TMEM254: variants seen among roughly 807,000 people sequenced by gnomAD.
The protein encoded by TMEM254 is transmembrane protein 254.
Under a neutral mutation model 13.9 loss-of-function variants are expected in TMEM254, and 16 were observed. The ratio of observed to expected loss-of-function variants is 1.15; its 90% confidence interval spans 0.78 to 1.75. The LOEUF (loss-of-function observed/expected upper bound fraction) is 1.75, where lower values mean the gene tolerates loss of function less well. Ranked by LOEUF, TMEM254 falls within the 40% of genes most tolerant of loss-of-function variation. TMEM254 has a pLI of 0.00. For synonymous variants in TMEM254, 61 were observed against 56.4 expected, an observed-to-expected ratio of 1.08 and a Z score of -0.36; for missense variants, 155 against 149.0, an observed-to-expected ratio of 1.04 and a Z score of -0.21.
At chr10:80,090,004 CAA>C (rs376006872) in intron 3 of TMEM254, among the ~76,000 whole-genome samples, 46 of 85,178 alleles carry the variant, frequency 5.4e-4, no homozygotes, top group South Asian at 2.7e-3. Flanking sequence ...GACTCCATCT[CAA>C]AAAAAAAAAA....
At chr10:80,088,164 T>G (rs1428180158) in intron 3 of TMEM254, among the ~76,000 whole-genome samples, 1 of 152,166 alleles carries the variant, frequency 6.6e-6, no homozygotes, top group East Asian at 1.9e-4. Context: ...TACTGATATG[T>G]GTGGATCTAT....
chr10:80,078,678 C>A lies in TMEM254; in HGVS notation c.-22C>A. 1 of 1,580,880 alleles carries A rather than the reference C, an allele frequency of 6.3e-7. No individual in the cohort carries two copies. Among genetic ancestry groups the A allele is most frequent in the Non-Finnish European group, 8.6e-7 (1 of 1,166,628 alleles). ...GCGCTCGACGGTGTCCTGAAGCGCG[C>A]TCCCGGGGAGGTGTTGCAGCCATGG... On this transcript the variant is annotated 5_prime_UTR_variant, in exon 1 of 4. Coordinates refer to ENST00000372281, the MANE Select transcript of TMEM254 (RefSeq NM_025125.4).
intron 1 of TMEM254, chr10:80,081,552 C>T: frequency 1.3e-6 from 1 of 772,754 alleles, no homozygotes; most frequent in Non-Finnish European, 2.1e-6. Flanking sequence ...CGTGTAGTCC[C>T]ATCTACTTGG....
chr10:80,078,969 A>T, intron 1 of TMEM254, 183 bp downstream of exon 1: 1 of 1,537,052 alleles, frequency 6.5e-7, no homozygotes. Flanking sequence ...CTGGTCCGCC[A>T]GGGTCTTGGG....
chr10:80,090,520 T>C lies in TMEM254; in HGVS notation c.252-277T>C. The C allele has an allele frequency of 1.1e-5, 8 of 703,634 alleles. No homozygotes were observed. The South Asian group carries it at 1.2e-4, about 11-fold the overall frequency. The allele number at this position is 703,634 out of a possible 1,614,324, so 43.6% of individuals were successfully genotyped here. The stretch of plus-strand genomic sequence containing the variant: ...CAGTGCTTTTTACTCCATCCGCTCA[T>C]CAGAATCACATGAGAAACAGTCTTA... On this transcript the variant is annotated intron_variant, in intron 3 of 3. Transcript: ENST00000372281.
At chr10:80,089,520 A>G (rs1589389598) in intron 3 of TMEM254, among the ~76,000 whole-genome samples, 1 of 152,078 alleles carries the variant, frequency 6.6e-6, no homozygotes, top group African/African-American at 2.4e-5. Flanking sequence ...AAAACAAACA[A>G]AAAACCTAGC....
chr10:80,091,287 T>C lies in TMEM254; in HGVS notation c.*370T>C, dbSNP rs1844566825. 1 of 160,382 alleles carries C rather than the reference T, an allele frequency of 6.2e-6. No homozygotes were observed. The highest frequency in any genetic ancestry group is 2.4e-5 in the African/African-American group (1 of 41,670). 9.9% of individuals were successfully genotyped at this position (160,382 alleles called of 1,614,324 possible). ...GCTCCCGCCTTCTGATGAAAACACCTTACCCTCACAACCACCATCTTTCCT... is the reference window on the plus strand; with the variant it reads ...GCTCCCGCCTTCTGATGAAAACACCCTACCCTCACAACCACCATCTTTCCT... On this transcript the variant is annotated 3_prime_UTR_variant, in exon 4 of 4. Coordinates refer to ENST00000372281, the MANE Select transcript of TMEM254 (RefSeq NM_025125.4).
At chr10:80,086,701 C>T (rs1844332613) in intron 3 of TMEM254, among the ~76,000 whole-genome samples, 1 of 151,786 alleles carries the variant, frequency 6.6e-6, no homozygotes, top group East Asian at 2.0e-4. Flanking sequence ...ATTAGCCGGG[C>T]ATGGTGGCGG....
At chr10:80,079,967 G>A (rs1843894343) in intron 1 of TMEM254, among the ~76,000 whole-genome samples, 1 of 152,178 alleles carries the variant, frequency 6.6e-6, no homozygotes, top group Non-Finnish European at 1.5e-5. Flanking sequence ...AAGCTATTTG[G>A]GTATACCAAT....
intron 3 of TMEM254, among the ~76,000 whole-genome samples, chr10:80,085,532 A>C (rs1472148786): frequency 6.6e-6 from 1 of 151,834 alleles, no homozygotes; most frequent in African/African-American, 2.4e-5. Flanking sequence ...GTACCACTAC[A>C]CTTTAGCCTG....
chr10:80,082,162 T>G lies in TMEM254; in HGVS notation c.209T>G (p.Leu70Arg), dbSNP rs746975032. Residue 70 changes from leucine (L) to arginine (R), a missense_variant, in exon 3 of 4, where the codon CTG (leucine) becomes CGG (arginine). Physicochemically the swap from Leu to Arg is moderately radical, Grantham distance 102. Transcript: ENST00000372281. Reference sequence around the variant, plus strand: ...GGTTTCAGGTATTGGCTTGCCTGGCTGATTCATGTGGGAGAGTCCTTGTAT... The same window carrying G: ...GGTTTCAGGTATTGGCTTGCCTGGCGGATTCATGTGGGAGAGTCCTTGTAT... ...LLCNGYWLAWLIHVGESLYAI... is the reference protein window; with the variant it reads ...LLCNGYWLAWRIHVGESLYAI... The G allele has an allele frequency of 6.2e-7, 1 of 1,614,134 alleles. No homozygotes were observed. The highest frequency in any genetic ancestry group is 8.5e-7 in the Non-Finnish European group (1 of 1,180,056).
At chr10:80,084,950 C>T (rs2132287694) in intron 3 of TMEM254, among the ~76,000 whole-genome samples, 1 of 152,170 alleles carries the variant, frequency 6.6e-6, no homozygotes, top group Non-Finnish European at 1.5e-5. Context: ...CTCAGCCTCC[C>T]AAGTAGCTGA....
Position 80,091,768 on chromosome 10 carries a change from C to A in TMEM254, c.*851C>A, listed in dbSNP as rs990189075. Reference sequence around the variant, plus strand: ...TTGAACAAAGGAGGGAAACTGATTTCACTTTCACTTGTTCATTATCATTCC... The same window carrying A: ...TTGAACAAAGGAGGGAAACTGATTTAACTTTCACTTGTTCATTATCATTCC... On this transcript the variant is annotated 3_prime_UTR_variant, in exon 4 of 4. Coordinates refer to ENST00000372281, the MANE Select transcript of TMEM254 (RefSeq NM_025125.4). 1 of 152,232 alleles carries A rather than the reference C, an allele frequency of 6.6e-6. No individual in the cohort carries two copies. The highest frequency in any genetic ancestry group is 2.4e-5 in the African/African-American group (1 of 41,464). 9.4% of individuals were successfully genotyped at this position (152,232 alleles called of 1,614,324 possible).
At position 80,090,923 on chromosome 10, in the gene TMEM254, T is replaced by C. The variant is rs1330137105; in HGVS notation, c.*6T>C. The C allele has an allele frequency of 2.5e-6, 4 of 1,613,422 alleles. No individual in the cohort carries two copies. The highest frequency in any genetic ancestry group is 3.4e-6 in the Non-Finnish European group (4 of 1,179,844). ...AGCGCCAAAAACAAACTTGAAGTTG[T>C]CTGAAAGCTTGCTCTACACTTTTAC... is the stretch of plus-strand genomic sequence containing the variant. On this transcript the variant is annotated 3_prime_UTR_variant, in exon 4 of 4. Coordinates refer to ENST00000372281, the MANE Select transcript of TMEM254 (RefSeq NM_025125.4).
At chr10:80,079,560 G>A (rs1263455233) in intron 1 of TMEM254, 1 of 1,007,808 alleles carries the variant, frequency 9.9e-7, no homozygotes, top group Admixed American at 5.3e-5. Flanking sequence ...AAGTGGTAAG[G>A]GAGGATAAAG....
intron 1 of TMEM254, chr10:80,079,648 G>GAGAAAT: frequency 1.0e-6 from 1 of 987,062 alleles, no homozygotes. Flanking sequence ...TTGTTTGGCT[G>GAGAAAT]AGAAATAATC....
At chr10:80,079,870 G>C (rs557606688) in intron 1 of TMEM254, among the ~76,000 whole-genome samples, 27 of 152,212 alleles carry the variant, frequency 1.8e-4, no homozygotes, top group African/African-American at 6.5e-4. Context: ...CTATTTTTTT[G>C]TGTTTTTAGT....
intron 3 of TMEM254, among the ~76,000 whole-genome samples, chr10:80,083,557 A>G (rs146805997): frequency 1.0e-3 from 152 of 152,310 alleles, no homozygotes; most frequent in African/African-American, 3.5e-3. Context: ...TCCAGTCACC[A>G]TCTGATATTA....
chr10:80,081,897 C>T lies in TMEM254; in HGVS notation c.144C>T (p.Pro48=). The T allele has an allele frequency of 6.2e-7, 1 of 1,614,214 alleles. No individual in the cohort carries two copies. The highest frequency in any genetic ancestry group is 8.5e-7 in the Non-Finnish European group (1 of 1,180,030). The part of the protein sequence containing the change: ...IPYQNLGPLG[P]FTQYLVDHHH... ...ATCAGAACCTTGGGCCCCTGGGCCC[C>T]TTCACTCAGTACTTGGTGGACCACC... The change falls in exon 2 of 4, where the codon CCC becomes CCT. Residue 48 remains proline (P), a synonymous_variant. Coordinates refer to ENST00000372281, the MANE Select transcript of TMEM254 (RefSeq NM_025125.4).
Sources: gnomAD v4.1 joint callset for allele counts (sites outside exome capture counted in the v4.1 genomes callset) on GRCh38, gnomAD v4.1.1 for gene constraint, MANE v1.5 for transcripts, NCBI Gene and HGNC (gene_info 2026-07-23, HGNC 2026-07-21) for gene names.